Variants in IFT56 observed in about 807,000 individuals in gnomAD.
IFT56 encodes the protein intraflagellar transport 56, also known as intraflagellar transport protein 56.
the IFT56 span, among the ~76,000 whole-genome samples, chr7:139,164,527 T>C: frequency 6.6e-6 from 1 of 152,236 alleles, no homozygotes; most frequent in Non-Finnish European, 1.5e-5. Context: ...TCTTTTTAAT[T>C]TAAATGTTTG....
the IFT56 span, among the ~76,000 whole-genome samples, chr7:139,167,693 C>G: frequency 6.6e-6 from 1 of 152,058 alleles, no homozygotes; most frequent in Non-Finnish European, 1.5e-5. Context: ...AGTCCCAGCA[C>G]TTTGGGAGGC....
the IFT56 span, among the ~76,000 whole-genome samples, chr7:139,184,804 C>T: frequency 0.015 from 2,266 of 151,850 alleles, 39 homozygotes; most frequent in South Asian, 0.029. Flanking sequence ...CCTGTAATCC[C>T]AGCACTTTGG....
the IFT56 span, chr7:139,139,946 A>C: frequency 2.5e-6 from 4 of 1,613,214 alleles, no homozygotes; most frequent in Non-Finnish European, 3.4e-6. Flanking sequence ...GGGTGAACCT[A>C]GCTTGCACCT....
the IFT56 span, chr7:139,178,272 T>C: frequency 6.2e-7 from 1 of 1,614,024 alleles, no homozygotes; most frequent in Non-Finnish European, 8.5e-7. Flanking sequence ...AGCAATTTGA[T>C]GATGTTTTGA....
At chr7:139,172,513 G>A in the IFT56 span, 3 of 466,344 alleles carry the variant, frequency 6.4e-6, no homozygotes, top group African/African-American at 2.0e-5. Flanking sequence ...CATCAACACT[G>A]TAATAAATTG....
At chr7:139,149,724 T>G in the IFT56 span, among the ~76,000 whole-genome samples, 1 of 152,154 alleles carries the variant, frequency 6.6e-6, no homozygotes, top group South Asian at 2.1e-4. Context: ...CATTATTTAG[T>G]TTCCCTGACA....
chr7:139,134,827 A>G, the IFT56 span: 1 of 1,602,428 alleles, frequency 6.2e-7, no homozygotes, highest in Non-Finnish European at 8.5e-7. Context: ...TTAGTGTATG[A>G]ATACCAGACT....
At chr7:139,170,599 A>G in the IFT56 span, among the ~76,000 whole-genome samples, 3 of 152,228 alleles carry the variant, frequency 2.0e-5, no homozygotes, top group Non-Finnish European at 4.4e-5. Flanking sequence ...AAGGGCAAAA[A>G]CCATATGATC....
At chr7:139,133,987 GTTCC>G in the IFT56 span, 6 of 1,138,196 alleles carry the variant, frequency 5.3e-6, no homozygotes, top group Non-Finnish European at 7.9e-6. Context: ...CTCTCCCTGT[GTTCC>G]CACGGGGGAC....
At chr7:139,163,080 C>G in the IFT56 span, among the ~76,000 whole-genome samples, 2 of 151,904 alleles carry the variant, frequency 1.3e-5, no homozygotes, top group Non-Finnish European at 1.5e-5. Flanking sequence ...TGCGGTGACT[C>G]ATGCCTGTAA....
the IFT56 span, chr7:139,172,646 T>C: frequency 6.6e-6 from 4 of 608,238 alleles, no homozygotes; most frequent in African/African-American, 5.5e-5. Context: ...CAACAAAGCC[T>C]TCAGATTTTT....
the IFT56 span, among the ~76,000 whole-genome samples, chr7:139,153,109 A>G: frequency 6.6e-6 from 1 of 150,788 alleles, no homozygotes; most frequent in Admixed American, 6.6e-5. Context: ...AGATTGCGCC[A>G]CTGCACTCCA....
chr7:139,157,139 C>T, the IFT56 span, among the ~76,000 whole-genome samples: 114 of 82,096 alleles, frequency 1.4e-3, no homozygotes, highest in Middle Eastern at 0.012. Flanking sequence ...TCTTTAATTT[C>T]TTTTTTTTTT....
At chr7:139,144,037 T>C in the IFT56 span, among the ~76,000 whole-genome samples, 2,514 of 152,246 alleles carry the variant, frequency 0.017, 38 homozygotes, top group South Asian at 0.031. Flanking sequence ...ATAAGACTGT[T>C]TTATTACTGT....
At chr7:139,168,342 A>G in the IFT56 span, 1 of 1,597,226 alleles carries the variant, frequency 6.3e-7, no homozygotes, top group Admixed American at 1.7e-5. Context: ...CCATGTTTCT[A>G]GGAGTATATT....
At chr7:139,148,165 A>G in the IFT56 span, 2 of 1,544,988 alleles carry the variant, frequency 1.3e-6, no homozygotes, top group South Asian at 1.2e-5. Flanking sequence ...ATTTCCGTGA[A>G]GTAGACTTAA....
At chr7:139,180,303 G>A in the IFT56 span, among the ~76,000 whole-genome samples, 2 of 151,588 alleles carry the variant, frequency 1.3e-5, no homozygotes, top group Non-Finnish European at 2.9e-5. Flanking sequence ...GCCACTGCAC[G>A]CCAGCCTGGG....
the IFT56 span, chr7:139,134,700 A>G: frequency 1.2e-5 from 19 of 1,614,000 alleles, no homozygotes; most frequent in South Asian, 2.0e-4. Context: ...CGTACAGCAC[A>G]CTGACAAAAG....
At chr7:139,190,095 A>G in the IFT56 span, 1 of 152,198 alleles carries the variant, frequency 6.6e-6, no homozygotes, top group Non-Finnish European at 1.5e-5. Context: ...AAATTGTAGT[A>G]CCTCTAAAGG....
Sources: gnomAD v4.1 joint callset for allele counts (sites outside exome capture counted in the v4.1 genomes callset) on GRCh38, gnomAD v4.1.1 for gene constraint, MANE v1.5 for transcripts, NCBI Gene and HGNC (gene_info 2026-07-23, HGNC 2026-07-21) for gene names.